Variants in MBD6 observed in about 807,000 individuals in gnomAD.
MBD6 encodes methyl-CpG binding domain protein 6.
In MBD6, 22 loss-of-function variants were observed where a neutral mutation model predicts 66.8. That is an observed-to-expected ratio of 0.33 (90% CI 0.24 to 0.47). MBD6 has a LOEUF of 0.47. Ranked by LOEUF, MBD6 falls within the 20% of genes least tolerant of loss-of-function variation. The pLI is 1.00. For synonymous variants in MBD6, 540 were observed against 534.6 expected, an observed-to-expected ratio of 1.01 and a Z score of -0.14; for missense variants, 1,322 against 1,286.9, an observed-to-expected ratio of 1.03 and a Z score of -0.42.
upstream of MBD6, chr12:57,521,597 C>T (rs1471110934): frequency 6.6e-6 from 1 of 152,242 alleles, no homozygotes; most frequent in Non-Finnish European, 1.5e-5. Flanking sequence ...GAACAGCGCC[C>T]TTGACTTTTA....
Position 57,526,143 on chromosome 12 carries a change from C to G in MBD6, c.1175C>G (p.Pro392Arg). 2.5e-6 allele frequency: 4 copies of G among 1,614,204 alleles called. No homozygotes were observed. The highest frequency in any genetic ancestry group is 3.4e-6 in the Non-Finnish European group (4 of 1,180,024). The change falls in exon 6 of 13, where the codon CCT becomes CGT. Residue 392 changes from proline (P) to arginine (R), a missense_variant. Transcript: ENST00000355673. ...CCTAGACGGAGCCGTCCTCGGGCCC[C>G]TGCTCCTGTCCCCCAACCCTTTTCT... is the stretch of plus-strand genomic sequence containing the variant. ...QTPRRSRPRA[P>R]APVPQPFSLP...
chr12:57,528,756 A>C (rs200726918), intron 11 of MBD6, 38 bp downstream of exon 11: 50 of 1,613,230 alleles, frequency 3.1e-5, no homozygotes, highest in Non-Finnish European at 4.0e-5. Flanking sequence ...GCCTTTGCCT[A>C]CTTCTTTTTG....
At chr12:57,526,500 G>C (rs1459803091) in intron 6 of MBD6, 66 bp from the exon 7 acceptor site, 2 of 1,510,158 alleles carry the variant, frequency 1.3e-6, no homozygotes, top group Non-Finnish European at 1.8e-6. Context: ...GGGGCAGGGA[G>C]GTTGGCTTCT....
rs1879010587 is a variant in MBD6, at chr12:57,526,854, A to G, written c.1709A>G (p.Gln570Arg). The change falls in exon 7 of 13, where the codon CAA becomes CGA. Residue 570 changes from glutamine to arginine, a missense_variant. By Grantham distance (43) the Gln-to-Arg change is conservative (BLOSUM62 1). Coordinates refer to ENST00000355673, the MANE Select transcript of MBD6 (RefSeq NM_052897.4). ...LFGVLTGGGGQPPPEPLLPPP... is the reference protein window; with the variant it reads ...LFGVLTGGGGRPPPEPLLPPP... ...GGTGTGCTGACTGGGGGAGGAGGAC[A>G]ACCTCCCCCTGAGCCCCTGCTACCC... 6 of 1,613,322 alleles carry G rather than the reference A, an allele frequency of 3.7e-6. No homozygotes were observed. The highest frequency in any genetic ancestry group is 5.1e-6 in the Non-Finnish European group (6 of 1,179,714).
At chr12:57,523,644 T>A (rs143770780) in intron 1 of MBD6, among the ~76,000 whole-genome samples, 2 of 152,230 alleles carry the variant, frequency 1.3e-5, no homozygotes, top group African/African-American at 4.8e-5. Flanking sequence ...TGTGGGGCAA[T>A]CTGTACTTTT....
In MBD6 at chr12:57,526,140, C is replaced by G; in HGVS notation, c.1172C>G (p.Ala391Gly). ...PQTPRRSRPR[A>G]PAPVPQPFSL... ...ACCCCTAGACGGAGCCGTCCTCGGG[C>G]CCCTGCTCCTGTCCCCCAACCCTTT... Residue 391 changes from alanine (A) to glycine (G), a missense_variant, in exon 6 of 13, where the codon GCC becomes GGC. Physicochemically the swap from Ala to Gly is moderately conservative, Grantham distance 60. Coordinates refer to ENST00000355673, the MANE Select transcript of MBD6 (RefSeq NM_052897.4). 1 of 1,614,176 alleles carries G rather than the reference C, an allele frequency of 6.2e-7. No individual in the cohort carries two copies. The highest frequency in any genetic ancestry group is 8.5e-7 in the Non-Finnish European group (1 of 1,180,024).
upstream of MBD6, among the ~76,000 whole-genome samples, chr12:57,521,420 C>T (rs2140054130): frequency 6.6e-6 from 1 of 152,308 alleles, no homozygotes; most frequent in Non-Finnish European, 1.5e-5. Flanking sequence ...CGAGATCGCG[C>T]CACTGCACTC....
chr12:57,530,912 C>T (rs1254775072), downstream of MBD6: 2 of 743,298 alleles, frequency 2.7e-6, no homozygotes, highest in East Asian at 2.5e-5. Flanking sequence ...ATGTTTATAG[C>T]ACCAATTTTC....
chr12:57,522,561 C>CG (rs577231876), upstream of MBD6, among the ~76,000 whole-genome samples: 43 of 98,708 alleles, frequency 4.4e-4, no homozygotes, highest in East Asian at 9.5e-3. Context: ...CCGCGGAGGG[C>CG]GGGGGGGCCG....
At chr12:57,528,588 C>T (rs1879247073) in intron 10 of MBD6, 28 bp downstream of exon 10, 1 of 1,611,652 alleles carries the variant, frequency 6.2e-7, no homozygotes, top group Non-Finnish European at 8.5e-7. Context: ...GTAGTCTGGG[C>T]TCAGGGGCTC....
Position 57,525,918 on chromosome 12 carries a change from C to A in MBD6, c.950C>A (p.Pro317His). ...ACGGTGGAGGGGCCTGGGGCACCCC[C>A]CTTCCTTGCTAGCAGCCTACTCTCT... is the stretch of plus-strand genomic sequence containing the variant. ...APTVEGPGAP[P>H]FLASSLLSAA... The change falls in exon 6 of 13, where the codon CCC becomes CAC. Residue 317 changes from proline to histidine, a missense_variant. Coordinates refer to ENST00000355673, the MANE Select transcript of MBD6 (RefSeq NM_052897.4). 3.7e-6 allele frequency: 6 copies of A among 1,613,350 alleles called. No homozygotes were observed. The highest frequency in any genetic ancestry group is 4.2e-6 in the Non-Finnish European group (5 of 1,179,600).
intron 8 of MBD6, 83 bp from the exon 9 acceptor site, chr12:57,527,765 G>A (rs1439144565): frequency 2.8e-5 from 44 of 1,563,668 alleles, no homozygotes; most frequent in Non-Finnish European, 3.5e-5. Flanking sequence ...TTGGCCACTG[G>A]ATAAAGCCTA....
chr12:57,526,548 T>C lies in MBD6; in HGVS notation c.1421-18T>C, dbSNP rs1321986826. On this transcript the variant is annotated intron_variant, in intron 6 of 12. Coordinates refer to ENST00000355673, the MANE Select transcript of MBD6 (RefSeq NM_052897.4). ...AGAAAGGGCCTCCCTTGAGCTGAAT[T>C]TCTCTCCTCTTTTACAGGTGCCCCT... is the stretch of plus-strand genomic sequence containing the variant. 1 of 1,510,520 alleles carries C rather than the reference T, an allele frequency of 6.6e-7. No homozygotes were observed. Among genetic ancestry groups the C allele is most frequent in the African/African-American group, 1.4e-5 (1 of 71,486 alleles). 93.6% of individuals were successfully genotyped at this position (1,510,520 alleles called of 1,614,324 possible).
intron 12 of MBD6, 41 bp from the exon 13 acceptor site, chr12:57,529,119 T>C: frequency 6.2e-7 from 1 of 1,613,362 alleles, no homozygotes; most frequent in South Asian, 1.1e-5. Context: ...TCCTGATACC[T>C]AGCAATTGAC....
At chr12:57,524,136 AGCTG>A in intron 2 of MBD6, 44 bp downstream of exon 2, 2 of 468,734 alleles carry the variant, frequency 4.3e-6, no homozygotes, top group Non-Finnish European at 7.5e-6. Flanking sequence ...TCTCCCTCCC[AGCTG>A]AGGGGTTCCC....
upstream of MBD6, among the ~76,000 whole-genome samples, chr12:57,522,339 G>A (rs982713689): frequency 6.6e-6 from 1 of 152,214 alleles, no homozygotes; most frequent in Non-Finnish European, 1.5e-5. Flanking sequence ...GTTGTGACAT[G>A]TTGACCTGGG....
Position 57,526,572 on chromosome 12 carries a change from C to G in MBD6, c.1427C>G (p.Pro476Arg). 16 of 1,511,788 alleles carry G rather than the reference C, an allele frequency of 1.1e-5. No homozygotes were observed. Among genetic ancestry groups the G allele is most frequent in the Non-Finnish European group, 1.4e-5 (16 of 1,131,570 alleles). The allele number at this position is 1,511,788 out of a possible 1,614,324, so 93.6% of individuals were successfully genotyped here. A position where few individuals can be genotyped will look rare whatever the true frequency, so the allele number is the denominator to read the frequency against. ...SGSLSSVPGAPAPPAASKAPV... is the reference protein window; with the variant it reads ...SGSLSSVPGARAPPAASKAPV... The stretch of plus-strand genomic sequence containing the variant: ...TTTCTCTCCTCTTTTACAGGTGCCC[C>G]TGCCCCACCAGCTGCCTCCAAAGCC... Residue 476 changes from proline (P) to arginine (R), a missense_variant, in exon 7 of 13, where the codon CCT (proline) becomes CGT (arginine). Coordinates refer to ENST00000355673, the MANE Select transcript of MBD6 (RefSeq NM_052897.4).
upstream of MBD6, chr12:57,521,102 C>T (rs532183739): frequency 1.3e-5 from 2 of 152,430 alleles, no homozygotes; most frequent in South Asian, 2.1e-4. Flanking sequence ...GCACATAGGC[C>T]TTTTGAACTT....
intron 1 of MBD6, among the ~76,000 whole-genome samples, chr12:57,523,514 C>A (rs1309172244): frequency 2.0e-5 from 3 of 152,176 alleles, no homozygotes; most frequent in African/African-American, 7.2e-5. Flanking sequence ...GAAGACTGAG[C>A]TGTGATCCTC....
Sources: gnomAD v4.1 joint callset for allele counts (sites outside exome capture counted in the v4.1 genomes callset) on GRCh38, gnomAD v4.1.1 for gene constraint, MANE v1.5 for transcripts, NCBI Gene and HGNC (gene_info 2026-07-23, HGNC 2026-07-21) for gene names.